SLC8A1: variants seen among roughly 807,000 people sequenced by gnomAD.
The protein encoded by SLC8A1 is solute carrier family 8 member A1.
A neutral mutation model predicts 68.3 loss-of-function variants in SLC8A1; 18 were observed. The ratio of observed to expected loss-of-function variants is 0.26; its 90% CI spans 0.18 to 0.39. The LOEUF (loss-of-function observed/expected upper bound fraction) is 0.39. SLC8A1 is among the 10% of genes least tolerant of loss of function. SLC8A1 has a pLI of 1.00. For missense variants in SLC8A1, 985 were observed against 1,156.7 expected, an observed-to-expected ratio of 0.85 and a Z score of 2.15; for synonymous variants, 475 against 415.5, an observed-to-expected ratio of 1.14 and a Z score of -1.74.
intron 2 of SLC8A1, among the ~76,000 whole-genome samples, chr2:40,227,877 T>C (rs2059179022): frequency 6.6e-6 from 1 of 152,072 alleles, no homozygotes; most frequent in Non-Finnish European, 1.5e-5. Flanking sequence ...TCCTGTATCT[T>C]AGGAGAAACT....
intron 2 of SLC8A1, among the ~76,000 whole-genome samples, chr2:40,264,310 G>T (rs1225452438): frequency 6.6e-6 from 1 of 152,048 alleles, no homozygotes; most frequent in Non-Finnish European, 1.5e-5. Context: ...CAGGGATCTA[G>T]AACTAGAAAT....
At chr2:40,421,841 G>A (rs998054239) in intron 2 of SLC8A1, among the ~76,000 whole-genome samples, 2 of 152,200 alleles carry the variant, frequency 1.3e-5, no homozygotes, top group African/African-American at 4.8e-5. Context: ...GAAAAGAAAG[G>A]GCCCTGGCTT....
intron 2 of SLC8A1, among the ~76,000 whole-genome samples, chr2:40,340,623 G>T (rs1053679523): frequency 6.6e-6 from 1 of 152,168 alleles, no homozygotes. Context: ...AGTTACCCAT[G>T]CCCTTCCCAG....
At chr2:40,164,939 T>C (rs777954072) in exon 5 of SLC8A1, 1 of 1,614,010 alleles carries the variant, frequency 6.2e-7, no homozygotes, top group Non-Finnish European at 8.5e-7. Context: ...AATGCGCCTC[T>C]CCTCTTCCTC....
intron 2 of SLC8A1, among the ~76,000 whole-genome samples, chr2:40,231,883 G>T (rs377154981): frequency 2.6e-5 from 4 of 152,210 alleles, no homozygotes; most frequent in East Asian, 3.9e-4. Context: ...AGGGACACTG[G>T]AACCAAACTT....
Position 40,367,373 on chromosome 2 carries a change from C to T in SLC8A1, c.1808+61100G>A, listed in dbSNP as rs56984637. Among the ~76,000 whole-genome samples, 439 of 152,164 alleles carry T rather than the reference C, an allele frequency of 2.9e-3. 2 individuals are homozygous for T. The highest frequency in any genetic ancestry group is 0.01 in the African/African-American group (418 of 41,554). On this transcript the variant is annotated intron_variant, in intron 2 of 7. Transcript: ENST00000406785. ...TTTACATCCATTGTGCTATAATATT[C>T]TAACACTTCGCTGATCTTTGCTGCA...
At chr2:40,119,697 A>G (rs2036342899) in intron 7 of SLC8A1, among the ~76,000 whole-genome samples, 1 of 152,252 alleles carries the variant, frequency 6.6e-6, no homozygotes, top group South Asian at 2.1e-4. Flanking sequence ...CGATTGACAC[A>G]AAATATGTTG....
chr2:40,115,495 C>T (rs760942212), exon 8 of SLC8A1: 8 of 1,614,046 alleles, frequency 5.0e-6, no homozygotes, highest in East Asian at 2.2e-5. Flanking sequence ...CCATTGGCTG[C>T]GTGGTAGATG....
At position 40,490,446 on chromosome 2, in the gene SLC8A1, A is replaced by G. The variant is rs191130111; in HGVS notation, c.-25+21903T>C. Among the ~76,000 whole-genome samples the G allele has an allele frequency of 7.0e-4, 107 of 152,234 alleles. 3 individuals are homozygous for G. In the East Asian group the frequency reaches 0.018, roughly 25 times the overall value. On this transcript the variant is annotated intron_variant, in intron 1 of 7. Coordinates refer to the SLC8A1 transcript ENST00000402441. ...CACTAATATATGGAATGCATAAACTATGTTTGTTTGTATAAGTATAAATAT... is the reference window on the plus strand; with the variant it reads ...CACTAATATATGGAATGCATAAACTGTGTTTGTTTGTATAAGTATAAATAT...
intron 6 of SLC8A1, 96 bp downstream of exon 9, chr2:40,160,669 C>T: frequency 9.9e-7 from 1 of 1,010,976 alleles, no homozygotes; most frequent in South Asian, 1.4e-5. Context: ...CCATGGAAGC[C>T]CTTTGGTGCT....
chr2:40,408,152 C>T (rs1392402539), intron 2 of SLC8A1, among the ~76,000 whole-genome samples: 2 of 152,190 alleles, frequency 1.3e-5, no homozygotes, highest in Admixed American at 6.5e-5. Flanking sequence ...CCTTTCTTCC[C>T]TATCACACAA....
chr2:40,249,615 GC>G (rs756351821), intron 2 of SLC8A1, among the ~76,000 whole-genome samples: 9 of 150,700 alleles, frequency 6.0e-5, no homozygotes, highest in Non-Finnish European at 1.0e-4. Flanking sequence ...AAATATTCAA[GC>G]TTTTAGGATC....
chr2:40,435,757 C>T lies in SLC8A1; in HGVS notation c.-24-5453G>A, dbSNP rs571517336. Among the ~76,000 whole-genome samples, 39 of 152,002 alleles carry T rather than the reference C, an allele frequency of 2.6e-4. No homozygotes were observed. In the South Asian group the frequency reaches 2.7e-3, roughly 11 times the overall value. On this transcript the variant is annotated intron_variant, in intron 1 of 7. Transcript: ENST00000406785. ...TGGCCCTTTCCCCTACTTTATTTTT[C>T]GAGATAGCACTTATTACTTTTTTGT...
intron 7 of SLC8A1, among the ~76,000 whole-genome samples, chr2:40,124,774 AT>A (rs981713539): frequency 3.9e-4 from 60 of 152,360 alleles, no homozygotes; most frequent in African/African-American, 1.4e-3. Context: ...GAAAAAATAA[AT>A]TGCAACTTCA....
chr2:40,425,975 A>C (rs1696749454), intron 2 of SLC8A1, among the ~76,000 whole-genome samples: 1 of 151,854 alleles, frequency 6.6e-6, no homozygotes. Context: ...TGGAATCAAC[A>C]TATCTTTGAT....
chr2:40,337,818 G>A (rs150285202), intron 2 of SLC8A1, among the ~76,000 whole-genome samples: 1 of 152,130 alleles, frequency 6.6e-6, no homozygotes, highest in Non-Finnish European at 1.5e-5. Flanking sequence ...CCGAAGTACA[G>A]GATAAACATT....
intron 2 of SLC8A1, among the ~76,000 whole-genome samples, chr2:40,355,627 T>C (rs765677260): frequency 1.3e-5 from 2 of 152,088 alleles, no homozygotes; most frequent in African/African-American, 2.4e-5. Flanking sequence ...CACTGACCCA[T>C]CTAGGGAGTG....
At chr2:40,428,187 C>A (rs1697367023) in intron 2 of SLC8A1, among the ~76,000 whole-genome samples, 1 of 151,938 alleles carries the variant, frequency 6.6e-6, no homozygotes, top group Non-Finnish European at 1.5e-5. Context: ...TAAACTGTGT[C>A]CCATCACTCA....
At chr2:40,374,632 T>C (rs1679211729) in intron 2 of SLC8A1, among the ~76,000 whole-genome samples, 1 of 151,932 alleles carries the variant, frequency 6.6e-6, no homozygotes, top group Admixed American at 6.6e-5. Context: ...TTGTTGGTGA[T>C]AAAGTGAACC....
Sources: gnomAD v4.1 joint callset for allele counts (sites outside exome capture counted in the v4.1 genomes callset) on GRCh38, gnomAD v4.1.1 for gene constraint, MANE v1.5 for transcripts, NCBI Gene and HGNC (gene_info 2026-07-23, HGNC 2026-07-21) for gene names.